TEAD4: variants seen among roughly 807,000 people sequenced by gnomAD.
TEAD4 encodes transcriptional enhancer factor TEF-3.
In TEAD4, 36 loss-of-function variants were observed where a neutral mutation model predicts 52.4. The observed-to-expected ratio is 0.69, with a 90% CI of 0.53 to 0.91. The LOEUF is 0.91. TEAD4 is among the 40% of genes least tolerant of loss of function. The pLI is 0.00. For synonymous variants in TEAD4, 220 were observed against 231.0 expected (o/e 0.95, Z 0.43); for missense variants, 508 against 583.9 (o/e 0.87, Z 1.34).
chr12:2,985,783 C>T (rs563106923), intron 2 of TEAD4, among the ~76,000 whole-genome samples: 18 of 152,104 alleles, frequency 1.2e-4, no homozygotes, highest in Middle Eastern at 3.4e-3. Flanking sequence ...TTAACTTTGT[C>T]GTTAAAAACA....
intron 2 of TEAD4, among the ~76,000 whole-genome samples, chr12:2,976,221 G>A (rs183439344): frequency 2.0e-5 from 3 of 151,728 alleles, no homozygotes; most frequent in South Asian, 4.2e-4. Context: ...CCAAGACGCC[G>A]GGCTGGTCTT....
intron 5 of TEAD4, among the ~76,000 whole-genome samples, chr12:3,015,137 C>G (rs1397798203): frequency 2.6e-5 from 4 of 152,180 alleles, no homozygotes; most frequent in African/African-American, 4.8e-5. Flanking sequence ...GGGCCAGGGA[C>G]AAACCTCATC....
chr12:2,986,727 A>G (rs2098238862), intron 2 of TEAD4, among the ~76,000 whole-genome samples: 1 of 152,208 alleles, frequency 6.6e-6, no homozygotes. Flanking sequence ...AACCAGTAAC[A>G]CAGTTGTTTA....
At chr12:2,971,447 G>GTTTTAA (rs2098224925) in intron 2 of TEAD4, among the ~76,000 whole-genome samples, 1 of 151,896 alleles carries the variant, frequency 6.6e-6, no homozygotes, top group Non-Finnish European at 1.5e-5. Context: ...TTTTTTGCGG[G>GTTTTAA]TTTTATTTTT....
chr12:3,013,551 T>A (rs1032371357), intron 5 of TEAD4, among the ~76,000 whole-genome samples: 2 of 152,116 alleles, frequency 1.3e-5, no homozygotes, highest in Non-Finnish European at 2.9e-5. Context: ...CTGGCCAACA[T>A]GGTGAAACCC....
chr12:2,969,687 C>T (rs779001879), intron 2 of TEAD4, among the ~76,000 whole-genome samples: 1 of 152,106 alleles, frequency 6.6e-6, no homozygotes, highest in Non-Finnish European at 1.5e-5. Context: ...AGGCTTGGGA[C>T]GAGGGTGCAG....
At chr12:2,962,346 A>ATATAAATATATATATT (rs1350931012) in intron 2 of TEAD4, among the ~76,000 whole-genome samples, 1 of 128,062 alleles carries the variant, frequency 7.8e-6, no homozygotes, top group South Asian at 2.4e-4. Flanking sequence ...ATATATATAT[A>ATATAAATATATATATT]TTTTTTGAGA....
chr12:2,973,420 AT>A (rs2153952981), intron 2 of TEAD4, among the ~76,000 whole-genome samples: 1 of 152,210 alleles, frequency 6.6e-6, no homozygotes, highest in East Asian at 1.9e-4. Flanking sequence ...ACAGTCAGAT[AT>A]GTGATTTACA....
At chr12:2,965,486 T>TA (rs1370799281) in intron 2 of TEAD4, among the ~76,000 whole-genome samples, 105 of 146,084 alleles carry the variant, frequency 7.2e-4, no homozygotes, top group Non-Finnish European at 5.6e-4. Context: ...GTAGCCACCT[T>TA]AAAAAAAAAA....
At chr12:2,987,397 G>A (rs891668670) in intron 2 of TEAD4, among the ~76,000 whole-genome samples, 5 of 147,334 alleles carry the variant, frequency 3.4e-5, no homozygotes, top group Non-Finnish European at 7.5e-5. Context: ...TGTGTTTTCA[G>A]AATCAGCTTG....
rs752521690 is a variant in TEAD4, at chr12:3,037,976, C to T, written c.906C>T (p.Leu302=). Residue 302 remains leucine (L), a synonymous_variant, in exon 11 of 13, where the codon CTC becomes CTT. Coordinates refer to ENST00000359864, the MANE Select transcript of TEAD4 (RefSeq NM_003213.4). ...CCACTGTCTCCCTCCAGGCAGACCT[C>T]AACACCAACATCGAGGATGAAGGCA... 33 of 1,613,590 alleles carry T rather than the reference C, an allele frequency of 2.0e-5. No individual in the cohort carries two copies. The East Asian group carries it at 7.1e-4, about 35-fold the overall frequency.
At chr12:2,968,083 C>CTTTTTTTTTTTTTTTTTTTTTTTTTTTTT (rs34430154) in intron 2 of TEAD4, among the ~76,000 whole-genome samples, 1 of 111,964 alleles carries the variant, frequency 8.9e-6, no homozygotes. Context: ...ACATGTGGGT[C>CTTTTTTTTTTTTTTTTTTTTTTTTTTTTT]TTTTTTTTTT....
chr12:2,975,084 A>C (rs961033914), intron 2 of TEAD4, among the ~76,000 whole-genome samples: 1 of 148,180 alleles, frequency 6.7e-6, no homozygotes, highest in African/African-American at 2.5e-5. Flanking sequence ...GTATTTATTT[A>C]TTTTTTAGTA....
chr12:3,016,917 C>A, intron 5 of TEAD4: 2 of 349,004 alleles, frequency 5.7e-6, no homozygotes, highest in Non-Finnish European at 1.1e-5. Flanking sequence ...GCCTACAGTG[C>A]CCAGGGAGAT....
At chr12:3,019,336 A>C (rs1201169313) in intron 8 of TEAD4, among the ~76,000 whole-genome samples, 166 bp downstream of exon 8, 1 of 151,902 alleles carries the variant, frequency 6.6e-6, no homozygotes, top group African/African-American at 2.4e-5. Flanking sequence ...CCTTTCCCCC[A>C]GCATGCACAC....
chr12:3,040,555 A>C lies in TEAD4; in HGVS notation c.*77A>C. On this transcript the variant is annotated 3_prime_UTR_variant, in exon 13 of 13. Coordinates refer to ENST00000359864, the MANE Select transcript of TEAD4 (RefSeq NM_003213.4). ...ACGTGGGGAGGGGACCTGCAGGGGC[A>C]GCCCCCTGAAGTGCCAAGAGAGCTG... is the stretch of plus-strand genomic sequence containing the variant. 7.7e-7 allele frequency: 1 copy of C among 1,298,506 alleles called. No homozygotes were observed. The highest frequency in any genetic ancestry group is 1.1e-6 in the Non-Finnish European group (1 of 912,736). 80.4% of individuals were successfully genotyped at this position (1,298,506 alleles called of 1,614,324 possible).
chr12:2,996,973 G>A (rs1007508997), intron 3 of TEAD4, among the ~76,000 whole-genome samples: 3 of 152,142 alleles, frequency 2.0e-5, no homozygotes, highest in Non-Finnish European at 4.4e-5. Flanking sequence ...GATAAAATTT[G>A]TCTTTAACAG....
chr12:2,979,683 C>T (rs1257329047), intron 2 of TEAD4, among the ~76,000 whole-genome samples: 3 of 152,204 alleles, frequency 2.0e-5, no homozygotes, highest in African/African-American at 7.2e-5. Context: ...ATTGACTGTA[C>T]TTGCATCTTC....
chr12:2,960,127 ACTGGGAAGAGC>A (rs1173072265), intron 2 of TEAD4, 87 bp downstream of exon 2: 8 of 176,318 alleles, frequency 4.5e-5, no homozygotes, highest in African/African-American at 1.9e-4. Flanking sequence ...CCGGGACGAG[ACTGGGAAGAGC>A]GAGGCACGTG....
Sources: gnomAD v4.1 joint callset for allele counts (sites outside exome capture counted in the v4.1 genomes callset) on GRCh38, gnomAD v4.1.1 for gene constraint, MANE v1.5 for transcripts, NCBI Gene and HGNC (gene_info 2026-07-23, HGNC 2026-07-21) for gene names.